The following MYO6 variants were observed in gnomAD, a reference collection of about 807,000 sequenced individuals.
MYO6 encodes unconventional myosin-VI.
MYO6 carries 74 observed loss-of-function variants against 178.7 expected under a neutral mutation model. That is an observed-to-expected ratio of 0.41 (90% confidence interval 0.34 to 0.50). MYO6 has a LOEUF of 0.50. Among genes scored for constraint, MYO6 ranks in the 20% least tolerant of loss-of-function variants. The pLI is 0.09. For synonymous variants in MYO6, 477 were observed against 504.6 expected, an observed-to-expected ratio of 0.95 and a Z score of 0.73; for missense variants, 1,330 against 1,547.4, an observed-to-expected ratio of 0.86 and a Z score of 2.36.
At chr6:75,779,132 C>T (rs1264894494) in intron 1 of MYO6, among the ~76,000 whole-genome samples, 3 of 149,038 alleles carry the variant, frequency 2.0e-5, no homozygotes, top group Non-Finnish European at 4.5e-5. Flanking sequence ...CTCATGACCT[C>T]AAGTGATCCT....
intron 18 of MYO6, among the ~76,000 whole-genome samples, chr6:75,869,348 T>A (rs1175611321): frequency 1.3e-5 from 2 of 152,102 alleles, no homozygotes; most frequent in African/African-American, 2.4e-5. Flanking sequence ...CACAGGAGAA[T>A]GAAATTTGGT....
At chr6:75,902,515 A>G (rs1329852759) in intron 30 of MYO6, among the ~76,000 whole-genome samples, 3 of 152,044 alleles carry the variant, frequency 2.0e-5, no homozygotes, top group Admixed American at 2.0e-4. Flanking sequence ...ATTTGCGTAG[A>G]GTTGTTTGTA....
chr6:75,877,140 C>G (rs1777626059), intron 20 of MYO6, among the ~76,000 whole-genome samples: 1 of 151,858 alleles, frequency 6.6e-6, no homozygotes, highest in African/African-American at 2.4e-5. Context: ...ACCATGCTGG[C>G]TAATTTTGTA....
At chr6:75,834,039 A>ATTTT (rs1157642749) in intron 6 of MYO6, among the ~76,000 whole-genome samples, 1 of 152,156 alleles carries the variant, frequency 6.6e-6, no homozygotes, top group African/African-American at 2.4e-5. Context: ...TTCCTTAAGA[A>ATTTT]TCTCACATTT....
chr6:75,813,750 G>T (rs1050665435), intron 1 of MYO6, among the ~76,000 whole-genome samples: 1 of 152,146 alleles, frequency 6.6e-6, no homozygotes, highest in African/African-American at 2.4e-5. Context: ...TAGTCAGCAG[G>T]TGATGAATTC....
At chr6:75,913,132 T>G (rs752368317) in intron 33 of MYO6, among the ~76,000 whole-genome samples, 2 of 152,194 alleles carry the variant, frequency 1.3e-5, no homozygotes, top group African/African-American at 2.4e-5. Context: ...TGTAAATGGT[T>G]GTTCCACTTT....
chr6:75,767,112 G>A (rs1421819210), intron 1 of MYO6, among the ~76,000 whole-genome samples: 3 of 151,456 alleles, frequency 2.0e-5, no homozygotes, highest in Non-Finnish European at 4.4e-5. Flanking sequence ...TGCCACCTCT[G>A]CCTCCCAGGT....
chr6:75,891,363 T>C, intron 27 of MYO6, 57 bp downstream of exon 27: 1 of 1,334,198 alleles, frequency 7.5e-7, no homozygotes, highest in South Asian at 1.2e-5. Context: ...CTGGGTGTGG[T>C]GGCTCATGCC....
intron 7 of MYO6, among the ~76,000 whole-genome samples, chr6:75,840,285 C>A (rs1774085661): frequency 6.6e-6 from 1 of 151,750 alleles, no homozygotes; most frequent in Admixed American, 6.6e-5. Flanking sequence ...CCTCAGTCTC[C>A]CAAATAACTG....
intron 1 of MYO6, among the ~76,000 whole-genome samples, chr6:75,766,011 G>C (rs1583005649): frequency 6.6e-6 from 1 of 152,276 alleles, no homozygotes; most frequent in Non-Finnish European, 1.5e-5. Context: ...CTGGGCAACA[G>C]AGTGAGACTC....
intron 29 of MYO6, among the ~76,000 whole-genome samples, chr6:75,895,937 C>T (rs1288679714): frequency 6.6e-6 from 1 of 152,030 alleles, no homozygotes; most frequent in East Asian, 1.9e-4. Flanking sequence ...TCTGCTATAT[C>T]TAAAATAATT....
At position 75,874,499 on chromosome 6, in the gene MYO6, T is replaced by C. The variant is rs563408446; in HGVS notation, c.2077+1199T>C. 1.7e-3 allele frequency among the ~76,000 whole-genome samples: 255 copies of C among 152,348 alleles called. 1 individual carries two copies. Among genetic ancestry groups the C allele is most frequent in the South Asian group, 6.0e-3 (29 of 4,828 alleles). ...GGCTTACCTCCTTAACTAAATATCCTAAAGCTTCTCTTGTCTGCTATCAAG... is the reference window on the plus strand; with the variant it reads ...GGCTTACCTCCTTAACTAAATATCCCAAAGCTTCTCTTGTCTGCTATCAAG... On this transcript the variant is annotated intron_variant, in intron 20 of 34. Transcript: ENST00000369977.
intron 1 of MYO6, among the ~76,000 whole-genome samples, chr6:75,809,358 G>A (rs1169207856): frequency 6.6e-6 from 1 of 152,178 alleles, no homozygotes; most frequent in African/African-American, 2.4e-5. Flanking sequence ...GGAAAGTCTT[G>A]CCATACTGAC....
intron 30 of MYO6, among the ~76,000 whole-genome samples, chr6:75,905,399 G>A (rs1780209896): frequency 6.6e-6 from 1 of 151,938 alleles, no homozygotes. Context: ...TCCGAGCCAT[G>A]TGCGGGATAT....
intron 1 of MYO6, among the ~76,000 whole-genome samples, chr6:75,800,649 G>GTGATATTGAATAGGCTA (rs1769358696): frequency 6.6e-6 from 1 of 152,188 alleles, no homozygotes; most frequent in African/African-American, 2.4e-5. Flanking sequence ...TTCCTAAGTA[G>GTGATATTGAATAGGCTA]TGATATTGAA....
intron 1 of MYO6, among the ~76,000 whole-genome samples, chr6:75,802,472 AAAAAAAATT>A (rs1354827866): frequency 5.8e-4 from 65 of 111,124 alleles, no homozygotes; most frequent in African/African-American, 2.2e-3. Context: ...CAGTATCAAA[AAAAAAAATT>A]TTTTTTTTTT....
chr6:75,881,710 A>G lies in MYO6; in HGVS notation c.2308A>G (p.Met770Val), dbSNP rs1583350610. ...CTAGTTTGCAGAATTTGATCAGATC[A>G]TGAAGTCTGACCCTGACCACTTAGC... ...PGKFAEFDQI[M>V]KSDPDHLAEL... is the part of the protein sequence containing the mutation. Residue 770 changes from methionine (M) to valine (V), a missense_variant, in exon 23 of 35, where the codon ATG becomes GTG. Met to Val is a conservative substitution (Grantham distance 21). Around this residue, in one of 3 missense-constraint regions of MYO6, gnomAD observed 613 missense variants for 816.8 expected, o/e 0.75. Transcript: ENST00000369977. 1 of 1,613,950 alleles carries G rather than the reference A, an allele frequency of 6.2e-7. No homozygotes were observed. The highest frequency in any genetic ancestry group is 8.5e-7 in the Non-Finnish European group (1 of 1,179,844).
intron 1 of MYO6, among the ~76,000 whole-genome samples, chr6:75,760,731 C>T (rs276696): frequency 0.45 from 67,869 of 150,750 alleles, 19,215 homozygotes; most frequent in African/African-American, 0.81. Context: ...ACCATTTAGA[C>T]ATTTTCTCTG....
intron 1 of MYO6, among the ~76,000 whole-genome samples, chr6:75,787,802 C>T (rs1583075743): frequency 7.1e-6 from 1 of 140,136 alleles, no homozygotes; most frequent in East Asian, 2.1e-4. Context: ...CTCTGTTGCC[C>T]AGGCTGGAGT....
Sources: gnomAD v4.1 joint callset for allele counts (sites outside exome capture counted in the v4.1 genomes callset) on GRCh38, gnomAD v4.1.1 for gene constraint, gnomAD v4.1.1 regional missense constraint, MANE v1.5 for transcripts, NCBI Gene and HGNC (gene_info 2026-07-23, HGNC 2026-07-21) for gene names.